Variants in MDGA2 observed in about 807,000 individuals in gnomAD.
The protein encoded by MDGA2 is MAM domain-containing glycosylphosphatidylinositol anchor protein 2.
Under a neutral mutation model 117.8 loss-of-function variants are expected in MDGA2, and 40 were observed. The observed-to-expected ratio is 0.34, with a 90% CI of 0.26 to 0.44. The LOEUF (loss-of-function observed/expected upper bound fraction) is 0.44. MDGA2 is among the 20% of genes least tolerant of loss of function. MDGA2 has a pLI of 1.00. For missense variants in MDGA2, 1,123 were observed against 1,250.6 expected (o/e 0.90, Z 1.54); for synonymous variants, 452 against 439.0 (o/e 1.03, Z -0.37).
chr14:47,125,911 G>A (rs1188167093), intron 5 of MDGA2, among the ~76,000 whole-genome samples: 4 of 151,874 alleles, frequency 2.6e-5, no homozygotes, highest in Admixed American at 6.6e-5. Context: ...TTGAAGTTGT[G>A]AGACATCAAG....
At chr14:47,671,693 C>T (rs1053590816) in intron 1 of MDGA2, among the ~76,000 whole-genome samples, 1 of 152,138 alleles carries the variant, frequency 6.6e-6, no homozygotes, top group Non-Finnish European at 1.5e-5. Context: ...AAGTTCCTGT[C>T]TAGGCTGTTG....
At chr14:47,511,330 A>G (rs536577381) in intron 1 of MDGA2, among the ~76,000 whole-genome samples, 1 of 152,186 alleles carries the variant, frequency 6.6e-6, no homozygotes, top group Non-Finnish European at 1.5e-5. Flanking sequence ...AAACATAACC[A>G]CTTCTAATAC....
intron 9 of MDGA2, among the ~76,000 whole-genome samples, chr14:46,935,860 C>T (rs1234362686): frequency 2.0e-5 from 3 of 152,116 alleles, no homozygotes; most frequent in Non-Finnish European, 2.9e-5. Flanking sequence ...GGAGAAGTTG[C>T]GACACTTCCA....
chr14:47,617,935 GCTT>G (rs909946062), intron 1 of MDGA2, among the ~76,000 whole-genome samples: 2 of 152,146 alleles, frequency 1.3e-5, no homozygotes, highest in African/African-American at 4.8e-5. Flanking sequence ...AACCCAAACA[GCTT>G]CTTAATAAAT....
At chr14:47,221,468 C>T (rs1448875507) in intron 2 of MDGA2, among the ~76,000 whole-genome samples, 1 of 152,152 alleles carries the variant, frequency 6.6e-6, no homozygotes, top group Non-Finnish European at 1.5e-5. Context: ...GCAGGCGGAT[C>T]ACGAGGTCAG....
At chr14:47,571,842 C>T (rs1376647194) in intron 1 of MDGA2, among the ~76,000 whole-genome samples, 1 of 152,072 alleles carries the variant, frequency 6.6e-6, no homozygotes, top group African/African-American at 2.4e-5. Context: ...ACCACCAGGG[C>T]ACGTGTATAC....
chr14:47,505,175 C>G lies in MDGA2; in HGVS notation c.280+169342G>C, dbSNP rs542924055. Among the ~76,000 whole-genome samples the G allele has an allele frequency of 1.5e-4, 23 of 152,088 alleles. No homozygotes were observed. The East Asian group carries it at 4.4e-3, about 29-fold the overall frequency. On this transcript the variant is annotated intron_variant, in intron 1 of 16. Coordinates refer to ENST00000399232, the MANE Select transcript of MDGA2 (RefSeq NM_001113498.3). ...AAAGAAAAAGTGGACATCACAGAAACAGAGAGTAGAACAGTGGTTGTCAGA... is the reference window on the plus strand; with the variant it reads ...AAAGAAAAAGTGGACATCACAGAAAGAGAGAGTAGAACAGTGGTTGTCAGA...
chr14:47,094,073 G>A (rs369514860), intron 6 of MDGA2, among the ~76,000 whole-genome samples: 36 of 152,108 alleles, frequency 2.4e-4, no homozygotes, highest in Middle Eastern at 3.4e-3. Context: ...CTTGACTTCT[G>A]TAGACCAGAA....
intron 2 of MDGA2, among the ~76,000 whole-genome samples, chr14:47,232,842 T>G (rs956329573): frequency 3.9e-5 from 6 of 152,118 alleles, no homozygotes; most frequent in Admixed American, 6.5e-5. Context: ...TTCTATAATT[T>G]TAATGACAGA....
intron 3 of MDGA2, among the ~76,000 whole-genome samples, chr14:47,163,065 G>A (rs901122424): frequency 5.9e-5 from 9 of 152,072 alleles, no homozygotes; most frequent in Non-Finnish European, 1.3e-4. Context: ...GGACACTATT[G>A]ATAGGTTATT....
intron 1 of MDGA2, among the ~76,000 whole-genome samples, chr14:47,373,413 T>G (rs1163896044): frequency 6.6e-6 from 1 of 151,960 alleles, no homozygotes; most frequent in Non-Finnish European, 1.5e-5. Flanking sequence ...ACCTAAAAGG[T>G]GAAAAAAAAT....
chr14:47,352,850 T>A (rs1890914345), intron 1 of MDGA2, among the ~76,000 whole-genome samples: 1 of 152,220 alleles, frequency 6.6e-6, no homozygotes, highest in Non-Finnish European at 1.5e-5. Flanking sequence ...TCTGGAAATG[T>A]TGATGGCTGT....
chr14:46,999,533 T>A (rs1887427965), intron 8 of MDGA2, among the ~76,000 whole-genome samples: 1 of 152,116 alleles, frequency 6.6e-6, no homozygotes, highest in Admixed American at 6.6e-5. Context: ...TCCCCTGATA[T>A]TCCTCTTTGC....
chr14:47,292,277 G>C (rs942969264), intron 2 of MDGA2, among the ~76,000 whole-genome samples: 1 of 152,126 alleles, frequency 6.6e-6, no homozygotes, highest in African/African-American at 2.4e-5. Flanking sequence ...ACATCGGTTT[G>C]GGAAGAACAG....
intron 3 of MDGA2, among the ~76,000 whole-genome samples, chr14:47,196,809 C>A (rs1885304392): frequency 6.6e-6 from 1 of 152,148 alleles, no homozygotes; most frequent in African/African-American, 2.4e-5. Flanking sequence ...TCAATGCACA[C>A]CCTCTTCCCC....
chr14:47,485,206 G>A (rs528251306), intron 1 of MDGA2, among the ~76,000 whole-genome samples: 1 of 152,274 alleles, frequency 6.6e-6, no homozygotes, highest in South Asian at 2.1e-4. Context: ...TCCAGGATGA[G>A]GTGGTCTCAG....
intron 6 of MDGA2, among the ~76,000 whole-genome samples, chr14:47,066,438 TC>T (rs1485070744): frequency 6.6e-6 from 1 of 152,200 alleles, no homozygotes; most frequent in Non-Finnish European, 1.5e-5. Context: ...AGATTTGATG[TC>T]CTCAAGGATT....
At chr14:47,214,916 G>C (rs1486050688) in intron 3 of MDGA2, among the ~76,000 whole-genome samples, 1 of 152,064 alleles carries the variant, frequency 6.6e-6, no homozygotes, top group Non-Finnish European at 1.5e-5. Flanking sequence ...GCAGATTTTA[G>C]AGACAATCTT....
At chr14:47,493,479 G>C (rs1894215556) in intron 1 of MDGA2, among the ~76,000 whole-genome samples, 1 of 151,582 alleles carries the variant, frequency 6.6e-6, no homozygotes, top group Non-Finnish European at 1.5e-5. Context: ...TACTGCCTGG[G>C]CTGAGTTTTG....
Sources: allele counts gnomAD v4.1 joint callset (sites outside exome capture counted in the v4.1 genomes callset), GRCh38; gene constraint gnomAD v4.1.1; transcripts MANE v1.5; gene names NCBI Gene and HGNC (gene_info 2026-07-23, HGNC 2026-07-21).